FBXL13: variants seen among roughly 807,000 people sequenced by gnomAD.
FBXL13 encodes the protein F-box and leucine-rich repeat protein 13.
A neutral mutation model predicts 83.6 loss-of-function variants in FBXL13; 67 were observed. That is an observed-to-expected ratio of 0.80 (90% CI 0.66 to 0.98). The LOEUF is 0.98. FBXL13 is among the 50% of genes least tolerant of loss of function. FBXL13 has a pLI of 0.00. For missense variants in FBXL13, 822 were observed against 866.5 expected (o/e 0.95, Z 0.64); for synonymous variants, 272 against 299.5 (o/e 0.91, Z 0.95).
chr7:102,822,021 T>G lies in FBXL13; in HGVS notation c.2018+19A>C. 6.2e-7 allele frequency: 1 copy of G among 1,613,352 alleles called. No homozygotes were observed. Among genetic ancestry groups the G allele is most frequent in the Non-Finnish European group, 8.5e-7 (1 of 1,179,422 alleles). ...GAAAGTAGTTCTCAAAAGTTTGTCA[T>G]AGTCAGGTACATACTTACTTGGAAA... On this transcript the variant is annotated intron_variant, in intron 19 of 19. Coordinates refer to ENST00000313221, the Ensembl canonical transcript of FBXL13.
Position 102,909,493 on chromosome 7 carries a change from G to A in FBXL13, c.1008+3593C>T, listed in dbSNP as rs150037964. 6.2e-3 allele frequency among the ~76,000 whole-genome samples: 944 copies of A among 152,204 alleles called. 31 individuals are homozygous for A. The highest frequency in any genetic ancestry group is 0.057 in the Admixed American group (871 of 15,298). On this transcript the variant is annotated intron_variant, in intron 11 of 19. Transcript: ENST00000313221. Reference sequence around the variant, plus strand: ...TAGCTACCCTAGCTGGTAATATGCTGAGTCTCACCTGAAGCCTGCAAGTCA... The same window carrying A: ...TAGCTACCCTAGCTGGTAATATGCTAAGTCTCACCTGAAGCCTGCAAGTCA...
intron 2 of FBXL13, among the ~76,000 whole-genome samples, chr7:103,048,248 C>T (rs910988700): frequency 1.3e-5 from 2 of 151,890 alleles, no homozygotes; most frequent in African/African-American, 4.8e-5. Context: ...TTTTAAAACA[C>T]TTGATATTAT....
At chr7:102,863,721 C>T (rs994381298) in intron 16 of FBXL13, among the ~76,000 whole-genome samples, 1 of 152,168 alleles carries the variant, frequency 6.6e-6, no homozygotes, top group African/African-American at 2.4e-5. Flanking sequence ...GAGAGATGTG[C>T]TAGTACTAGT....
intron 8 of FBXL13, chr7:102,933,628 C>T (rs191843858): frequency 6.6e-4 from 143 of 217,244 alleles, no homozygotes; most frequent in African/African-American, 3.0e-3. Context: ...GCCTCTAACC[C>T]AGGCAACTAA....
intron 19 of FBXL13, among the ~76,000 whole-genome samples, chr7:102,816,726 A>G (rs1303233970): frequency 6.6e-6 from 1 of 152,230 alleles, no homozygotes; most frequent in African/African-American, 2.4e-5. Context: ...AATAGTGAAC[A>G]TAATGCCCAG....
At chr7:103,073,302 C>A (rs1413264150) in intron 1 of FBXL13, among the ~76,000 whole-genome samples, 1 of 152,102 alleles carries the variant, frequency 6.6e-6, no homozygotes, top group African/African-American at 2.4e-5. Context: ...AAGCAACTTG[C>A]ACTTTTTCTT....
rs2129472065 is a variant in FBXL13, at chr7:102,926,381, G to C, written c.778-7C>G. On this transcript the variant is annotated splice_polypyrimidine_tract_variant and splice_region_variant and intron_variant, in intron 9 of 19. Transcript: ENST00000313221. ...TGTGTCTCATTGATTCATCCTGCAT[G>C]AAAAACAGAGGGAAGAGGCTTATCA... 1.9e-6 allele frequency: 3 copies of C among 1,606,946 alleles called. No homozygotes were observed. The highest frequency in any genetic ancestry group is 4.5e-5 in the East Asian group (2 of 44,732).
chr7:103,072,541 G>A (rs999681625), intron 1 of FBXL13, among the ~76,000 whole-genome samples: 8 of 152,082 alleles, frequency 5.3e-5, no homozygotes, highest in African/African-American at 1.7e-4. Context: ...AGTAACTGGC[G>A]GCCTAGATGA....
chr7:103,033,439 C>T (rs556933206), intron 2 of FBXL13, among the ~76,000 whole-genome samples: 4 of 152,300 alleles, frequency 2.6e-5, no homozygotes, highest in South Asian at 2.1e-4. Flanking sequence ...CGGACCCTCG[C>T]GGTGAGTGTT....
intron 2 of FBXL13, among the ~76,000 whole-genome samples, chr7:103,037,258 G>C (rs1795162719): frequency 6.6e-6 from 1 of 152,150 alleles, no homozygotes; most frequent in Non-Finnish European, 1.5e-5. Context: ...TACCTTTGCA[G>C]AGCCAACAAG....
intron 2 of FBXL13, among the ~76,000 whole-genome samples, chr7:103,043,720 G>A (rs2129493401): frequency 6.6e-6 from 1 of 152,112 alleles, no homozygotes; most frequent in African/African-American, 2.4e-5. Context: ...CACCATGTTG[G>A]CCAGGCTGGT....
intron 1 of FBXL13, among the ~76,000 whole-genome samples, chr7:103,056,831 T>A (rs938162988): frequency 1.3e-5 from 2 of 152,122 alleles, no homozygotes; most frequent in Non-Finnish European, 2.9e-5. Flanking sequence ...ATTTTTTTTT[T>A]TTATTTTTTG....
chr7:102,942,231 G>T, intron 8 of FBXL13: 1 of 1,347,216 alleles, frequency 7.4e-7, no homozygotes, highest in South Asian at 1.3e-5. Context: ...AAAGTATCTT[G>T]GCAGTTAAGG....
At chr7:102,868,745 G>C (rs778401754) in intron 16 of FBXL13, among the ~76,000 whole-genome samples, 10 of 152,340 alleles carry the variant, frequency 6.6e-5, no homozygotes, top group Admixed American at 3.9e-4. Flanking sequence ...TGGGCTCACT[G>C]CAACCTCTGC....
At chr7:103,039,561 A>G (rs1287322724) in intron 2 of FBXL13, among the ~76,000 whole-genome samples, 1 of 152,146 alleles carries the variant, frequency 6.6e-6, no homozygotes, top group African/African-American at 2.4e-5. Context: ...AAAAAATGTT[A>G]AGGGCAGCCA....
At chr7:102,942,242 C>G in intron 8 of FBXL13, 14 of 1,486,034 alleles carry the variant, frequency 9.4e-6, no homozygotes, top group Non-Finnish European at 1.3e-5. Flanking sequence ...GCAGTTAAGG[C>G]AAAATGACCT....
intron 1 of FBXL13, among the ~76,000 whole-genome samples, chr7:103,070,613 G>T (rs1036965281): frequency 6.6e-6 from 1 of 152,158 alleles, no homozygotes; most frequent in East Asian, 1.9e-4. Context: ...AGTTGTATGC[G>T]GCTCAGGGTT....
intron 1 of FBXL13, among the ~76,000 whole-genome samples, chr7:103,060,063 T>TATATATAC (rs1429819167): frequency 2.6e-5 from 3 of 115,238 alleles, no homozygotes; most frequent in African/African-American, 9.3e-5. Context: ...TATATATATA[T>TATATATAC]ACTTTTTTTT....
chr7:103,061,943 A>G (rs907715089), intron 1 of FBXL13, among the ~76,000 whole-genome samples: 1 of 151,170 alleles, frequency 6.6e-6, no homozygotes, highest in African/African-American at 2.4e-5. Flanking sequence ...GTCTCAAAAA[A>G]AAAAAAAAAA....
Sources: gnomAD v4.1 joint callset for allele counts (sites outside exome capture counted in the v4.1 genomes callset) on GRCh38, gnomAD v4.1.1 for gene constraint, MANE v1.5 for transcripts, NCBI Gene and HGNC (gene_info 2026-07-23, HGNC 2026-07-21) for gene names.